FAM13B: variants seen among roughly 807,000 people sequenced by gnomAD.
FAM13B encodes protein FAM13B.
In FAM13B, 60 loss-of-function variants were observed where a neutral mutation model predicts 117.3. The observed-to-expected ratio is 0.51, with a 90% CI of 0.42 to 0.63. The LOEUF (loss-of-function observed/expected upper bound fraction) is 0.63, where lower values mean the gene tolerates loss of function less well. FAM13B is among the 30% of genes least tolerant of loss of function. FAM13B has a pLI of 0.00. For synonymous variants in FAM13B, 332 were observed against 356.1 expected, an observed-to-expected ratio of 0.93 and a Z score of 0.76; for missense variants, 972 against 1,091.9, an observed-to-expected ratio of 0.89 and a Z score of 1.55.
chr5:138,030,721 C>A (rs1004970076), intron 1 of FAM13B, among the ~76,000 whole-genome samples: 5 of 142,396 alleles, frequency 3.5e-5, no homozygotes, highest in Admixed American at 2.8e-4. Flanking sequence ...TCCCCCCCCC[C>A]CAAAAAAAAA....
chr5:138,017,038 T>C (rs1401513886), intron 4 of FAM13B, among the ~76,000 whole-genome samples: 3 of 152,190 alleles, frequency 2.0e-5, no homozygotes, highest in Non-Finnish European at 2.9e-5. Context: ...AAGCGTAATT[T>C]TGGGGGGAGA....
At chr5:137,962,989 A>T (rs2150313630) in intron 10 of FAM13B, among the ~76,000 whole-genome samples, 1 of 152,264 alleles carries the variant, frequency 6.6e-6, no homozygotes, top group African/African-American at 2.4e-5. Context: ...CCCCCAAACT[A>T]AAAACCTACC....
chr5:137,941,220 T>TTTTTAACA (rs1423967833), intron 23 of FAM13B, among the ~76,000 whole-genome samples: 1 of 152,146 alleles, frequency 6.6e-6, no homozygotes, highest in Non-Finnish European at 1.5e-5. Context: ...CTTCAGATTT[T>TTTTTAACA]TTTTTAACCA....
chr5:137,949,361 G>C (rs1764294548), intron 17 of FAM13B, among the ~76,000 whole-genome samples, 177 bp from the exon 18 acceptor site: 1 of 152,146 alleles, frequency 6.6e-6, no homozygotes, highest in Admixed American at 6.5e-5. Context: ...TTCTAGGCTG[G>C]GTGTGGTGGC....
intron 14 of FAM13B, 134 bp from the exon 15 acceptor site, chr5:137,954,510 A>ACG: frequency 2.1e-6 from 1 of 482,200 alleles, no homozygotes. Flanking sequence ...ACACATACAC[A>ACG]CACACACACA....
intron 17 of FAM13B, among the ~76,000 whole-genome samples, chr5:137,949,480 A>AT (rs914565460): frequency 3.7e-4 from 57 of 152,226 alleles, no homozygotes; most frequent in African/African-American, 1.3e-3. Flanking sequence ...TCTACAAAAA[A>AT]TTTTTTAAAT....
In FAM13B at chr5:137,982,507, C is replaced by T. The variant is rs189997629; in HGVS notation, c.1179+2750G>A. ...ACTGCTCCAGCCTGGGCAAGAAGAG[C>T]GAAACTCCATCTCAAAAACAACAAC... On this transcript the variant is annotated intron_variant, in intron 10 of 23. Transcript: ENST00000689681. Among the ~76,000 whole-genome samples, 8 of 146,250 alleles carry T rather than the reference C, an allele frequency of 5.5e-5. No homozygotes were observed. In the East Asian group the frequency reaches 1.0e-3, roughly 19 times the overall value.
chr5:137,961,242 G>T (rs759243882), intron 11 of FAM13B, among the ~76,000 whole-genome samples: 4 of 151,954 alleles, frequency 2.6e-5, no homozygotes, highest in Non-Finnish European at 4.4e-5. Context: ...CCTAACCAAG[G>T]TACTCTGGAT....
At chr5:137,954,578 G>C in intron 14 of FAM13B, 1 of 272,764 alleles carries the variant, frequency 3.7e-6, no homozygotes, top group Non-Finnish European at 6.6e-6. Flanking sequence ...GCCTACTATA[G>C]TTTAAAATTA....
At chr5:138,028,850 C>G (rs566662604) in intron 1 of FAM13B, among the ~76,000 whole-genome samples, 3 of 152,154 alleles carry the variant, frequency 2.0e-5, no homozygotes, top group Non-Finnish European at 2.9e-5. Flanking sequence ...GAAACCCCAT[C>G]GCTACAAGAA....
chr5:138,014,321 C>T (rs538150624), intron 4 of FAM13B, among the ~76,000 whole-genome samples: 1 of 152,340 alleles, frequency 6.6e-6, no homozygotes, highest in East Asian at 1.9e-4. Flanking sequence ...GGCTGCAGAC[C>T]AGTCTGTGGC....
rs370275680 is a variant in FAM13B at position 137,938,816 on chromosome 5, T to C, written c.*1409A>G. The C allele has an allele frequency of 2.6e-5, 4 of 152,690 alleles. No homozygotes were observed. Among genetic ancestry groups the C allele is most frequent in the African/African-American group, 9.6e-5 (4 of 41,570 alleles). 9.5% of individuals were successfully genotyped at this position (152,690 alleles called of 1,614,324 possible). A position where few individuals can be genotyped will look rare whatever the true frequency, so the allele number is the denominator to read the frequency against. ...GATGTTGCAAAATTCCATTTTTATATGGAATAAATTGTTAATATTAGCTAG... is the reference window on the plus strand; with the variant it reads ...GATGTTGCAAAATTCCATTTTTATACGGAATAAATTGTTAATATTAGCTAG... On this transcript the variant is annotated 3_prime_UTR_variant, in exon 24 of 24. Transcript: ENST00000689681.
chr5:137,997,118 T>C (rs1191721056), intron 7 of FAM13B, among the ~76,000 whole-genome samples: 1 of 152,204 alleles, frequency 6.6e-6, no homozygotes, highest in Non-Finnish European at 1.5e-5. Context: ...GAACTCTCCT[T>C]TCTCTCTTCA....
intron 1 of FAM13B, chr5:138,051,804 A>G (rs1329852364): frequency 6.6e-6 from 1 of 152,208 alleles, no homozygotes; most frequent in Non-Finnish European, 1.5e-5. Flanking sequence ...AAACCTGCAC[A>G]TTCCCCACTA....
rs891631369 is a variant in FAM13B, at chr5:137,946,518, G to A, written c.2161-207C>T. On this transcript the variant is annotated intron_variant, in intron 18 of 23. Coordinates refer to ENST00000689681, the MANE Select transcript of FAM13B (RefSeq NM_001385994.1). The stretch of plus-strand genomic sequence containing the variant: ...CCTGTACAATTTGCTCTTATAATAA[G>A]TAGGTACCAACCCCTTTGATGGCTT... 16 of 474,072 alleles carry A rather than the reference G, an allele frequency of 3.4e-5. No individual in the cohort carries two copies. The East Asian group carries it at 5.4e-4, about 16-fold the overall frequency. The allele number at this position is 474,072 out of a possible 1,614,324, so 29.4% of individuals were successfully genotyped here.
intron 17 of FAM13B, among the ~76,000 whole-genome samples, chr5:137,950,216 G>C (rs1764573555): frequency 6.6e-6 from 1 of 152,200 alleles, no homozygotes; most frequent in Admixed American, 6.5e-5. Context: ...AGCGCTAAAA[G>C]GAGTATAATT....
At chr5:137,974,253 C>T (rs1773208856) in intron 10 of FAM13B, among the ~76,000 whole-genome samples, 1 of 151,900 alleles carries the variant, frequency 6.6e-6, no homozygotes, top group Non-Finnish European at 1.5e-5. Flanking sequence ...GGCACATATA[C>T]ACCATGGAAT....
At chr5:137,984,952 G>A (rs1776800490) in intron 10 of FAM13B, among the ~76,000 whole-genome samples, 1 of 151,836 alleles carries the variant, frequency 6.6e-6, no homozygotes, top group South Asian at 2.1e-4. Flanking sequence ...TGTATTTTTA[G>A]TAGAGATGGG....
chr5:138,018,012 T>A (rs1435806105), intron 4 of FAM13B, among the ~76,000 whole-genome samples: 1 of 152,178 alleles, frequency 6.6e-6, no homozygotes, highest in Non-Finnish European at 1.5e-5. Context: ...AAATTTCTCT[T>A]CTTTCTTTTT....
Sources: allele counts gnomAD v4.1 joint callset (sites outside exome capture counted in the v4.1 genomes callset), GRCh38; gene constraint gnomAD v4.1.1; transcripts MANE v1.5; gene names NCBI Gene and HGNC (gene_info 2026-07-23, HGNC 2026-07-21).